The following SYCP2 variants were observed in gnomAD, a reference collection of about 807,000 sequenced individuals.
SYCP2 encodes the protein synaptonemal complex protein 2, also known as synaptonemal complex lateral element protein.
A neutral mutation model predicts 211.3 loss-of-function variants in SYCP2; 55 were observed. The observed-to-expected ratio is 0.26, with a 90% CI of 0.21 to 0.33. The LOEUF (loss-of-function observed/expected upper bound fraction) is 0.33. Ranked by LOEUF, SYCP2 falls within the 10% of genes least tolerant of loss-of-function variation. The pLI, the probability that SYCP2 is intolerant of heterozygous loss-of-function variation, is 1.00. For missense variants in SYCP2, 1,731 were observed against 1,752.0 expected (o/e 0.99, Z 0.21); for synonymous variants, 570 against 555.2 (o/e 1.03, Z -0.37).
At chr20:59,890,200 A>G (rs2059877725) in intron 24 of SYCP2, among the ~76,000 whole-genome samples, 1 of 152,204 alleles carries the variant, frequency 6.6e-6, no homozygotes, top group Admixed American at 6.5e-5. Flanking sequence ...ATTATACACC[A>G]TGGAATACTA....
intron 35 of SYCP2, among the ~76,000 whole-genome samples, chr20:59,871,443 G>A (rs759879011): frequency 1.3e-5 from 2 of 151,828 alleles, no homozygotes; most frequent in Admixed American, 1.3e-4. Context: ...ACAGTAAAGG[G>A]GCAGCATGGG....
At position 59,885,967 on chromosome 20, in the gene SYCP2, GT is replaced by G; in HGVS notation, c.2493-4del. 6.3e-7 allele frequency: 1 copy of G among 1,595,718 alleles called. No homozygotes were observed. Among genetic ancestry groups the G allele is most frequent in the Non-Finnish European group, 8.5e-7 (1 of 1,172,002 alleles). On this transcript the variant is annotated splice_region_variant and splice_polypyrimidine_tract_variant and intron_variant, in intron 25 of 44. Coordinates refer to ENST00000357552, the MANE Select transcript of SYCP2 (RefSeq NM_014258.4). ...CAACAGGTTTGTTTGAAAAACCACT[GT>G]AAAAAAAGATTTTGTCAAAATTGAA...
chr20:59,892,705 G>A lies in SYCP2; in HGVS notation c.1794-4C>T, dbSNP rs1022315785. On this transcript the variant is annotated splice_region_variant and splice_polypyrimidine_tract_variant and intron_variant, in intron 22 of 44. Transcript: ENST00000357552. ...GTTGTCTAAAACACCAGGTAATCTA[G>A]AAAATAAATTAATTTGCTTAATGTT... 3 of 1,596,160 alleles carry A rather than the reference G, an allele frequency of 1.9e-6. No homozygotes were observed. The highest frequency in any genetic ancestry group is 2.7e-5 in the African/African-American group (2 of 73,914).
chr20:59,906,017 G>C (rs1413264198), intron 15 of SYCP2, among the ~76,000 whole-genome samples: 7 of 152,024 alleles, frequency 4.6e-5, no homozygotes, highest in African/African-American at 1.7e-4. Flanking sequence ...GAATACTTGG[G>C]AACAAATTCA....
chr20:59,869,492 C>T (rs2059409278), intron 36 of SYCP2, among the ~76,000 whole-genome samples: 2 of 151,612 alleles, frequency 1.3e-5, no homozygotes, highest in Admixed American at 1.3e-4. Flanking sequence ...GCAGGAAGTT[C>T]AACCAAATAC....
chr20:59,883,490 A>G (rs552029127), intron 26 of SYCP2, among the ~76,000 whole-genome samples: 97 of 152,302 alleles, frequency 6.4e-4, no homozygotes, highest in African/African-American at 2.2e-3. Context: ...GCGTGTATAT[A>G]TATGAAGAAA....
chr20:59,882,250 CA>C, intron 26 of SYCP2, 85 bp from the exon 27 acceptor site: 1 of 989,906 alleles, frequency 1.0e-6, no homozygotes, highest in Non-Finnish European at 1.5e-6. Context: ...AAATGCAAAT[CA>C]AAAAATGAGA....
Position 59,915,467 on chromosome 20 carries a change from G to A in SYCP2, c.597C>T (p.Leu199=), listed in dbSNP as rs1294818956. Reference sequence around the variant, plus strand: ...ACCATATAAGTACAGATTATTACATGAGAATTAACATTTCTTGGTTAGAGA... The same window carrying A: ...ACCATATAAGTACAGATTATTACATAAGAATTAACATTTCTTGGTTAGAGA... The part of the protein sequence containing the change: ...KILSNQEMLI[L]MSSMGERILD... The change falls in exon 9 of 45, where the codon CTC becomes CTT. Residue 199 remains leucine, a splice_region_variant and synonymous_variant. Coordinates refer to ENST00000357552, the MANE Select transcript of SYCP2 (RefSeq NM_014258.4). The A allele has an allele frequency of 1.9e-6, 3 of 1,578,842 alleles. No individual in the cohort carries two copies. The highest frequency in any genetic ancestry group is 1.3e-5 in the African/African-American group (1 of 74,198).
chr20:59,880,870 C>A, intron 30 of SYCP2, 96 bp downstream of exon 30: 1 of 605,700 alleles, frequency 1.7e-6, no homozygotes, highest in Non-Finnish European at 2.7e-6. Flanking sequence ...ATAAAACAAT[C>A]AAAATGTTTT....
At chr20:59,888,170 C>T (rs1030156274) in intron 24 of SYCP2, among the ~76,000 whole-genome samples, 3 of 152,084 alleles carry the variant, frequency 2.0e-5, no homozygotes, top group Admixed American at 2.0e-4. Context: ...AGGCCAATGT[C>T]CCCTTAATAC....
At position 59,892,054 on chromosome 20, in the gene SYCP2, T is replaced by A. The variant is rs2059918412; in HGVS notation, c.2300A>T (p.His767Leu). The change falls in exon 24 of 45, where the codon CAT becomes CTT. Residue 767 changes from histidine (H) to leucine (L), a missense_variant. Coordinates refer to ENST00000357552, the MANE Select transcript of SYCP2 (RefSeq NM_014258.4). ...AGTCAATTCTTTCTCTGCTTTTCTA[T>A]GACTTTGCACATTTTTGCTAGCAGA... The part of the protein sequence containing the change: ...NPSASKNVQS[H>L]RKAEKELTSE... 1 of 1,610,480 alleles carries A rather than the reference T, an allele frequency of 6.2e-7. No individual in the cohort carries two copies. Among genetic ancestry groups the A allele is most frequent in the East Asian group, 2.2e-5 (1 of 44,792 alleles).
Position 59,878,043 on chromosome 20 carries a change from A to G in SYCP2, c.2944T>C (p.Ser982Pro). 6.2e-7 allele frequency: 1 copy of G among 1,602,592 alleles called. No individual in the cohort carries two copies. The highest frequency in any genetic ancestry group is 8.5e-7 in the Non-Finnish European group (1 of 1,173,294). ...CTTGGCTGTCCCTTTTCCAAGGATG[A>G]TCCTGTAATTCAGAAAAATAAGGTT... ...VKNHKSGKSR[S>P]SLEKGQPSSK... is the part of the protein sequence containing the mutation. Residue 982 changes from serine (S) to proline (P), a missense_variant and splice_region_variant, in exon 32 of 45, where the codon TCA (serine) becomes CCA (proline). Physicochemically the swap from Ser to Pro is moderately conservative, Grantham distance 74. Coordinates refer to ENST00000357552, the MANE Select transcript of SYCP2 (RefSeq NM_014258.4).
intron 36 of SYCP2, among the ~76,000 whole-genome samples, 197 bp downstream of exon 36, chr20:59,869,601 A>T (rs1416667040): frequency 1.3e-5 from 2 of 151,740 alleles, no homozygotes; most frequent in African/African-American, 4.8e-5. Context: ...CTCTCATTTT[A>T]AAAGTTTCAA....
Position 59,896,543 on chromosome 20 carries a change from A to G in SYCP2, c.1405-15T>C, listed in dbSNP as rs1351340774. On this transcript the variant is annotated splice_polypyrimidine_tract_variant and intron_variant, in intron 18 of 44. Transcript: ENST00000357552. ...GGAGTAGTTTTCTGAAACCACGATG[A>G]AAAACAACCACTGTAAACACAGTCT... The G allele has an allele frequency of 2.2e-6, 3 of 1,370,034 alleles. No homozygotes were observed. Among genetic ancestry groups the G allele is most frequent in the East Asian group, 4.6e-5 (2 of 43,630 alleles). The allele number at this position is 1,370,034 out of a possible 1,614,324, so 84.9% of individuals were successfully genotyped here.
Position 59,915,569 on chromosome 20 carries a change from T to A in SYCP2, c.514-19A>T. 7.1e-7 allele frequency: 1 copy of A among 1,409,118 alleles called. No homozygotes were observed. The highest frequency in any genetic ancestry group is 1.0e-6 in the Non-Finnish European group (1 of 995,458). The allele number at this position is 1,409,118 out of a possible 1,614,324, so 87.3% of individuals were successfully genotyped here. A position where few individuals can be genotyped will look rare whatever the true frequency, so the allele number is the denominator to read the frequency against. On this transcript the variant is annotated intron_variant, in intron 8 of 44. Coordinates refer to ENST00000357552, the MANE Select transcript of SYCP2 (RefSeq NM_014258.4). ...TTATAATCTAGAAAAGAAAAAAAGATAATGCATTAACTTTACATTCAGTGA... is the reference window on the plus strand; with the variant it reads ...TTATAATCTAGAAAAGAAAAAAAGAAAATGCATTAACTTTACATTCAGTGA...
At chr20:59,933,032 A>AGC (rs1256948636) in intron 1 of SYCP2, among the ~76,000 whole-genome samples, 4 of 151,898 alleles carry the variant, frequency 2.6e-5, no homozygotes, top group Non-Finnish European at 2.9e-5. Flanking sequence ...GAACCAACAA[A>AGC]GCACACACAC....
At chr20:59,890,512 C>G (rs1054576174) in intron 24 of SYCP2, among the ~76,000 whole-genome samples, 3 of 151,658 alleles carry the variant, frequency 2.0e-5, no homozygotes, top group Admixed American at 1.3e-4. Context: ...CAAAACTGCA[C>G]GTTCTGCACA....
At chr20:59,868,664 T>C in intron 37 of SYCP2, 96 bp from the exon 38 acceptor site, 1 of 1,369,396 alleles carries the variant, frequency 7.3e-7, no homozygotes, top group South Asian at 1.5e-5. Flanking sequence ...TTGTTTCCAC[T>C]AAGTATTTTT....
chr20:59,887,571 A>C (rs572291472), intron 24 of SYCP2, among the ~76,000 whole-genome samples: 1 of 152,212 alleles, frequency 6.6e-6, no homozygotes, highest in South Asian at 2.1e-4. Context: ...AGGAATTGCC[A>C]CACTGTCTTC....
Sources: gnomAD v4.1 joint callset for allele counts (sites outside exome capture counted in the v4.1 genomes callset) on GRCh38, gnomAD v4.1.1 for gene constraint, MANE v1.5 for transcripts, NCBI Gene and HGNC (gene_info 2026-07-23, HGNC 2026-07-21) for gene names.